Variants in MUC4 observed in about 807,000 individuals in gnomAD.
The protein encoded by MUC4 is mucin 4, cell surface associated, also known as mucin-4.
MUC4 carries 202 observed loss-of-function variants against 257.9 expected under a neutral mutation model. That is an observed-to-expected ratio of 0.78 (90% CI 0.70 to 0.88). The LOEUF is 0.88. Ranked by LOEUF, MUC4 falls within the 40% of genes least tolerant of loss-of-function variation. The pLI, the probability that MUC4 is intolerant of heterozygous loss-of-function variation, is 0.00. For missense variants in MUC4, 5,976 were observed against 6,513.7 expected (o/e 0.92, Z 2.84); for synonymous variants, 2,351 against 2,757.1 (o/e 0.85, Z 4.62).
Position 195,783,037 on chromosome 3 carries a change from G to C in MUC4, c.8543C>G (p.Pro2848Arg), listed in dbSNP as rs768641691. 3 of 1,093,358 alleles carry C rather than the reference G, an allele frequency of 2.7e-6. No homozygotes were observed. Among genetic ancestry groups the C allele is most frequent in the Non-Finnish European group, 2.5e-6 (2 of 806,786 alleles). The allele number at this position is 1,093,358 out of a possible 1,614,324, so 67.7% of individuals were successfully genotyped here. A position where few individuals can be genotyped will look rare whatever the true frequency, so the allele number is the denominator to read the frequency against. ...PSSASSGHTT[P>R]LPVTDASSVS... ...TGAGGAAGCGTCGGTGACAGGAAGAGGGGTGGTGTGACCTGAGGATGCTGA... is the reference window on the plus strand; with the variant it reads ...TGAGGAAGCGTCGGTGACAGGAAGACGGGTGGTGTGACCTGAGGATGCTGA... The change falls in exon 2 of 25, where the codon CCT becomes CGT. Residue 2848 changes from proline to arginine, a missense_variant. Pro to Arg is a moderately radical substitution (Grantham distance 103, BLOSUM62 -2). Coordinates refer to ENST00000463781, the MANE Select transcript of MUC4 (RefSeq NM_018406.7).
At chr3:195,751,328 G>C in intron 21 of MUC4, 57 bp from the exon 22 acceptor site, 1 of 1,314,028 alleles carries the variant, frequency 7.6e-7, no homozygotes, top group Non-Finnish European at 1.1e-6. Flanking sequence ...GGGGGGAGAC[G>C]CCCTCCCACC....
At chr3:195,778,637 T>G in intron 2 of MUC4, among the ~76,000 whole-genome samples, 153 bp downstream of exon 2, 1 of 152,196 alleles carries the variant, frequency 6.6e-6, no homozygotes, top group East Asian at 1.9e-4. Context: ...AGGGTGAGCC[T>G]GTCACCCACC....
At position 195,790,329 on chromosome 3, in the gene MUC4, G is replaced by A; in HGVS notation, c.1251C>T (p.Thr417=). Reference sequence around the variant, plus strand: ...AAACTTTGGAAGTGATTGCAGAAATGGTTCCACTTACAGATAGTGATGTCT... The same window carrying A: ...AAACTTTGGAAGTGATTGCAGAAATAGTTCCACTTACAGATAGTGATGTCT... The part of the protein sequence containing the change: ...TEETSLSVSG[T]ISAITSKVST... The change falls in exon 2 of 25, where the codon ACC becomes ACT. Residue 417 remains threonine, a synonymous_variant. Transcript: ENST00000463781. The A allele has an allele frequency of 6.2e-7, 1 of 1,613,914 alleles. No individual in the cohort carries two copies. The highest frequency in any genetic ancestry group is 8.5e-7 in the Non-Finnish European group (1 of 1,179,808).
chr3:195,767,543 T>C lies in MUC4; in HGVS notation c.13530-792A>G, dbSNP rs868708329. 7.8e-4 allele frequency among the ~76,000 whole-genome samples: 55 copies of C among 70,368 alleles called. 1 individual carries two copies. Among genetic ancestry groups the C allele is most frequent in the African/African-American group, 1.7e-3 (20 of 11,888 alleles). 46.2% of individuals were successfully genotyped at this position (70,368 alleles called of 152,430 possible). On this transcript the variant is annotated intron_variant, in intron 7 of 24. Transcript: ENST00000463781. ...ACCACCACCATCGCCACCACCATCA[T>C]CACCATCACCATTACCATTGCCACC...
intron 21 of MUC4, 89 bp from the exon 22 acceptor site, chr3:195,751,360 G>C: frequency 9.8e-7 from 1 of 1,018,930 alleles, no homozygotes; most frequent in Non-Finnish European, 1.5e-6. Flanking sequence ...ATTCATCCCT[G>C]TTTCCTCCTG....
rs77344255 is a variant in MUC4, at chr3:195,782,407, T to A, written c.9173A>T (p.His3058Leu). Residue 3058 changes from histidine (H) to leucine (L), a missense_variant, in exon 2 of 25, where the codon CAT becomes CTT. Transcript: ENST00000463781. ...SASTGHANPL[H>L]VTSPSSASTG... ...GGATGCTGAGGAAGGGCTGGTGACA[T>A]GAAGAGGGTTGGCGTGACCTGTGGA... 2 of 1,018,322 alleles carry A rather than the reference T, an allele frequency of 2.0e-6. No individual in the cohort carries two copies. The highest frequency in any genetic ancestry group is 4.6e-5 in the Admixed American group (1 of 21,710). 63.1% of individuals were successfully genotyped at this position (1,018,322 alleles called of 1,614,324 possible).
chr3:195,788,785 A>T lies in MUC4; in HGVS notation c.2795T>A (p.Phe932Tyr). 6.2e-7 allele frequency: 1 copy of T among 1,613,706 alleles called. No homozygotes were observed. The highest frequency in any genetic ancestry group is 8.5e-7 in the Non-Finnish European group (1 of 1,179,804). Residue 932 changes from phenylalanine to tyrosine, a missense_variant, in exon 2 of 25, where the codon TTC (phenylalanine) becomes TAC (tyrosine). Physicochemically the swap from Phe to Tyr is conservative, Grantham distance 22. Transcript: ENST00000463781. ...ISLASQATDT[F>Y]STVPPTPPSI... ...TGGAGGTGTGGGTGGGACTGTTGAG[A>T]AGGTGTCGGTTGCCTGGGACGCCAG...
chr3:195,747,521 G>T, intron 24 of MUC4, 141 bp from the exon 25 acceptor site: 1 of 1,057,340 alleles, frequency 9.5e-7, no homozygotes, highest in Non-Finnish European at 1.4e-6. Context: ...CAGCCCTGAG[G>T]CCGTGCTGAA....
At position 195,790,867 on chromosome 3, in the gene MUC4, T is replaced by C; in HGVS notation, c.713A>G (p.Lys238Arg). The C allele has an allele frequency of 6.2e-7, 1 of 1,613,988 alleles. No homozygotes were observed. Among genetic ancestry groups the C allele is most frequent in the Non-Finnish European group, 8.5e-7 (1 of 1,179,894 alleles). The change falls in exon 2 of 25, where the codon AAG (lysine) becomes AGG (arginine). Residue 238 changes from lysine to arginine, a missense_variant. By Grantham distance (26) the Lys-to-Arg change is conservative. This residue lies in a region of MUC4 where 1,583 missense variants were observed against 1,257.4 expected (regional missense o/e 1.26). Coordinates refer to ENST00000463781, the MANE Select transcript of MUC4 (RefSeq NM_018406.7). ...AGCTGTTTCACCTGAAGGAGATGTC[T>C]TCTGAGAAACAGTCCCTGTCACATT... is the stretch of plus-strand genomic sequence containing the variant. Reference protein sequence around the residue: ...VHNVTGTVSQKTSPSGETATS... With the variant: ...VHNVTGTVSQRTSPSGETATS...
At chr3:195,800,602 G>A (rs918504567) in intron 1 of MUC4, among the ~76,000 whole-genome samples, 1 of 152,122 alleles carries the variant, frequency 6.6e-6, no homozygotes, top group Admixed American at 6.6e-5. Flanking sequence ...TGATTATTCA[G>A]CTGTTTAGGA....
In MUC4 at chr3:195,768,972, T is replaced by C. The variant is rs762580547; in HGVS notation, c.13529+50A>G. ...GTGTGTGTGCAGCGAAAGCCGACTC[T>C]ACACCCCTCCCTGCCAACTGCTCAG... is the stretch of plus-strand genomic sequence containing the variant. On this transcript the variant is annotated intron_variant, in intron 7 of 24. Transcript: ENST00000463781. The C allele has an allele frequency of 7.6e-6, 12 of 1,586,614 alleles. No homozygotes were observed. The East Asian group carries it at 2.7e-4, about 36-fold the overall frequency.
chr3:195,788,858 C>G lies in MUC4; in HGVS notation c.2722G>C (p.Ala908Pro), dbSNP rs946799661. ...PQETAAISRMAQTQRTRTSRG... is the reference protein window; with the variant it reads ...PQETAAISRMPQTQRTRTSRG... The stretch of plus-strand genomic sequence containing the variant: ...CTGGTTCTTGTCCTCTGAGTCTGGG[C>G]CATCCGGGAAATGGCGGCTGTCTCC... Residue 908 changes from alanine (A) to proline (P), a missense_variant, in exon 2 of 25, where the codon GCC becomes CCC. Ala to Pro is a conservative substitution (Grantham distance 27, BLOSUM62 -1). This residue lies in a region of MUC4 where 1,583 missense variants were observed against 1,257.4 expected (regional missense o/e 1.26). Coordinates refer to ENST00000463781, the MANE Select transcript of MUC4 (RefSeq NM_018406.7). 1 of 1,613,716 alleles carries G rather than the reference C, an allele frequency of 6.2e-7. No homozygotes were observed. Among genetic ancestry groups the G allele is most frequent in the Non-Finnish European group, 8.5e-7 (1 of 1,179,846 alleles).
chr3:195,781,331 CTGAGGAAGGGCTAGTGACAGGAAGAGGCA>C lies in MUC4; in HGVS notation c.10220_10248del (p.Met3407SerfsTer53). 2 of 1,502,202 alleles carry C rather than the reference CTGAGGAAGGGCTAGTGACAGGAAGAGGCA, an allele frequency of 1.3e-6. No homozygotes were observed. The highest frequency in any genetic ancestry group is 2.9e-5 in the African/African-American group (2 of 68,834). The allele number at this position is 1,502,202 out of a possible 1,614,324, so 93.1% of individuals were successfully genotyped here. ...AGAGGGGTGGCGTGACCTGTGGATG[CTGAGGAAGGGCTAGTGACAGGAAGAGGCA>C]TGGTGTCACCTGTGGATACTGAGGA... On this transcript the variant is annotated frameshift_variant, in exon 2 of 25. Coordinates refer to ENST00000463781, the MANE Select transcript of MUC4 (RefSeq NM_018406.7). LOFTEE classifies it high-confidence loss of function.
intron 1 of MUC4, among the ~76,000 whole-genome samples, chr3:195,807,626 C>T (rs577881443): frequency 5.4e-4 from 82 of 152,170 alleles, no homozygotes; most frequent in African/African-American, 1.7e-3. Flanking sequence ...GTAAGAAAGA[C>T]GTATATTTAA....
chr3:195,779,432 G>A lies in MUC4; in HGVS notation c.12148C>T (p.Pro4050Ser). The change falls in exon 2 of 25, where the codon CCT (proline) becomes TCT (serine). Residue 4050 changes from proline to serine, a missense_variant. This residue lies in a region of MUC4 where 293 missense variants were observed against 294.5 expected (regional missense o/e 1.00). Transcript: ENST00000463781. ...GATAATGAGGAAGCATTGGTGACAG[G>A]AAGAGGGGTGGTGTCACCTGTGGAT... The part of the protein sequence containing the change: ...SASTGDTTPL[P>S]VTNASSLSTG... 2 of 923,326 alleles carry A rather than the reference G, an allele frequency of 2.2e-6. No homozygotes were observed. The highest frequency in any genetic ancestry group is 3.0e-6 in the Non-Finnish European group (2 of 661,532). The allele number at this position is 923,326 out of a possible 1,614,324, so 57.2% of individuals were successfully genotyped here.
intron 1 of MUC4, among the ~76,000 whole-genome samples, chr3:195,807,684 C>T (rs916630657): frequency 6.6e-6 from 1 of 152,140 alleles, no homozygotes; most frequent in Admixed American, 6.6e-5. Context: ...AGGTCTCTGT[C>T]CTGGCCTTCA....
Position 195,782,417 on chromosome 3 carries a change from T to A in MUC4, c.9163A>T (p.Asn3055Tyr), listed in dbSNP as rs1348231209. ...GAAGGGCTGGTGACATGAAGAGGGT[T>A]GGCGTGACCTGTGGATGCTGAGGAA... Reference protein sequence around the residue: ...DTSSASTGHANPLHVTSPSSA... With the variant: ...DTSSASTGHAYPLHVTSPSSA... The change falls in exon 2 of 25, where the codon AAC (asparagine) becomes TAC (tyrosine). Residue 3055 changes from asparagine (N) to tyrosine (Y), a missense_variant. Around this residue, in one of 44 missense-constraint regions of MUC4, gnomAD observed 52 missense variants for 102.2 expected, o/e 0.51. Transcript: ENST00000463781. The A allele has an allele frequency of 1.4e-6, 2 of 1,449,574 alleles. No individual in the cohort carries two copies. Among genetic ancestry groups the A allele is most frequent in the African/African-American group, 3.4e-5 (2 of 59,622 alleles). The allele number at this position is 1,449,574 out of a possible 1,614,324, so 89.8% of individuals were successfully genotyped here.
At position 195,786,947 on chromosome 3, in the gene MUC4, C is replaced by T. The variant is rs1387778521; in HGVS notation, c.4633G>A (p.Ala1545Thr). The T allele has an allele frequency of 4.2e-6, 4 of 943,286 alleles. No individual in the cohort carries two copies. Among genetic ancestry groups the T allele is most frequent in the Middle Eastern group, 6.8e-4 (2 of 2,958 alleles). 58.4% of individuals were successfully genotyped at this position (943,286 alleles called of 1,614,324 possible). A position where few individuals can be genotyped will look rare whatever the true frequency, so the allele number is the denominator to read the frequency against. Reference sequence around the variant, plus strand: ...AGAGGGGTGGTGTCACCTGTGGATGCTGAGGAAGGGCTAGTGACAGGAAGA... The same window carrying T: ...AGAGGGGTGGTGTCACCTGTGGATGTTGAGGAAGGGCTAGTGACAGGAAGA... ...MPLPVTSPSS[A>T]STGDTTPLPV... Residue 1545 changes from alanine to threonine, a missense_variant, in exon 2 of 25, where the codon GCA (alanine) becomes ACA (threonine). Coordinates refer to ENST00000463781, the MANE Select transcript of MUC4 (RefSeq NM_018406.7).
intron 7 of MUC4, among the ~76,000 whole-genome samples, chr3:195,767,621 TCACCACCATCACCACCACCATCGC>T (rs1721277092): frequency 1.1e-4 from 3 of 27,222 alleles, no homozygotes; most frequent in Admixed American, 3.4e-4. Context: ...GCCACCACCA[TCACCACCATCACCACCACCATCGC>T]CACCACCACC....
Sources: allele counts gnomAD v4.1 joint callset (sites outside exome capture counted in the v4.1 genomes callset), GRCh38; gene constraint gnomAD v4.1.1; regional missense constraint gnomAD v4.1.1; transcripts MANE v1.5; gene names NCBI Gene and HGNC (gene_info 2026-07-23, HGNC 2026-07-21).